The following CA10 variants were observed in gnomAD, a reference collection of about 807,000 sequenced individuals.
The protein encoded by CA10 is carbonic anhydrase-related protein 10.
In CA10, 14 loss-of-function variants were observed where a neutral mutation model predicts 44.2. The ratio of observed to expected loss-of-function variants is 0.32; its 90% CI spans 0.21 to 0.50. The LOEUF is 0.50. Among genes scored for constraint, CA10 ranks in the 20% least tolerant of loss-of-function variants. The probability of loss-of-function intolerance (pLI) is 0.99; values close to 1 mark genes in which losing one functional copy is unlikely to be tolerated. For missense variants in CA10, 350 were observed against 409.7 expected (o/e 0.85, Z 1.26); for synonymous variants, 159 against 141.6 (o/e 1.12, Z -0.87).
At chr17:51,964,403 T>C (rs1259333684) in intron 2 of CA10, among the ~76,000 whole-genome samples, 1 of 152,010 alleles carries the variant, frequency 6.6e-6, no homozygotes, top group Non-Finnish European at 1.5e-5. Flanking sequence ...TTTGACCAGT[T>C]GGACCTAATG....
intron 3 of CA10, among the ~76,000 whole-genome samples, chr17:51,822,020 G>C (rs983816287): frequency 1.3e-5 from 2 of 152,166 alleles, no homozygotes; most frequent in African/African-American, 4.8e-5. Flanking sequence ...TCACCTGAGA[G>C]TTTTTACAGA....
intron 2 of CA10, among the ~76,000 whole-genome samples, chr17:52,051,509 A>T (rs931348739): frequency 6.6e-6 from 1 of 152,110 alleles, no homozygotes; most frequent in African/African-American, 2.4e-5. Flanking sequence ...GACAGAAGAC[A>T]TATATGCAGC....
chr17:51,795,677 G>C (rs1367857199), intron 3 of CA10, among the ~76,000 whole-genome samples: 1 of 152,184 alleles, frequency 6.6e-6, no homozygotes, highest in African/African-American at 2.4e-5. Context: ...AAGGACCCAA[G>C]TGCCTTTACT....
chr17:51,696,721 G>A (rs889513585), intron 4 of CA10, among the ~76,000 whole-genome samples: 12 of 152,042 alleles, frequency 7.9e-5, no homozygotes, highest in African/African-American at 2.2e-4. Flanking sequence ...CTGGTGTTTA[G>A]CACTATAAAC....
chr17:52,070,399 C>G (rs1242628661), intron 2 of CA10: 1 of 152,156 alleles, frequency 6.6e-6, no homozygotes, highest in African/African-American at 2.4e-5. Flanking sequence ...CATGAACATA[C>G]ACACATTACC....
At chr17:51,710,495 C>T (rs1443342785) in intron 4 of CA10, among the ~76,000 whole-genome samples, 2 of 152,152 alleles carry the variant, frequency 1.3e-5, no homozygotes, top group Non-Finnish European at 2.9e-5. Context: ...GACTTCTCAC[C>T]ACCAGCAGAA....
chr17:52,038,717 C>G (rs977894130), intron 2 of CA10, among the ~76,000 whole-genome samples: 1 of 152,126 alleles, frequency 6.6e-6, no homozygotes, highest in African/African-American at 2.4e-5. Context: ...AAAACTGGAA[C>G]AACTCTCTGT....
intron 3 of CA10, among the ~76,000 whole-genome samples, chr17:51,855,203 A>G (rs13353192): frequency 0.063 from 9,584 of 152,252 alleles, 647 homozygotes; most frequent in African/African-American, 0.17. Flanking sequence ...TTGAAGAGTT[A>G]TGAGGAAGAG....
intron 1 of CA10, among the ~76,000 whole-genome samples, chr17:52,089,759 C>T (rs756228590): frequency 2.0e-5 from 3 of 151,854 alleles, no homozygotes; most frequent in Non-Finnish European, 4.4e-5. Context: ...TTTTAAAACT[C>T]TCAAAACTAT....
chr17:52,010,110 G>T (rs996889307), intron 2 of CA10, among the ~76,000 whole-genome samples: 4 of 151,904 alleles, frequency 2.6e-5, no homozygotes, highest in Admixed American at 6.6e-5. Context: ...ATAGATGTTG[G>T]CATGGATGCT....
chr17:51,765,711 G>GTGTGTA (rs1905351873), intron 3 of CA10, among the ~76,000 whole-genome samples: 1 of 145,940 alleles, frequency 6.9e-6, no homozygotes, highest in Non-Finnish European at 1.5e-5. Flanking sequence ...GTGTGTGTGT[G>GTGTGTA]TGTGTGTGTG....
At chr17:51,692,692 G>A (rs559955882) in intron 4 of CA10, among the ~76,000 whole-genome samples, 1 of 152,172 alleles carries the variant, frequency 6.6e-6, no homozygotes, top group East Asian at 1.9e-4. Context: ...TTAATTATTG[G>A]CCTATTGAAG....
chr17:51,823,562 G>A (rs1476650700), intron 3 of CA10, among the ~76,000 whole-genome samples: 1 of 152,222 alleles, frequency 6.6e-6, no homozygotes, highest in Non-Finnish European at 1.5e-5. Flanking sequence ...TCACTGTAGA[G>A]GGAGAACAGG....
Position 51,774,427 on chromosome 17 carries a change from C to A in CA10, c.280-26609G>T, listed in dbSNP as rs1459396736. ...GATTGGTGGGAGGGGTGAGTGGAAA[C>A]CTTGCTTCATTTAAGGTCTTTTTTT... On this transcript the variant is annotated intron_variant, in intron 3 of 8. Coordinates refer to ENST00000451037, the MANE Select transcript of CA10 (RefSeq NM_020178.5). Among the ~76,000 whole-genome samples the A allele has an allele frequency of 2.0e-5, 3 of 149,762 alleles. No homozygotes were observed. The East Asian group carries it at 6.0e-4, about 30-fold the overall frequency.
chr17:51,818,652 T>A (rs192355357), intron 3 of CA10, among the ~76,000 whole-genome samples: 107 of 152,308 alleles, frequency 7.0e-4, no homozygotes, highest in African/African-American at 2.4e-3. Flanking sequence ...AGTGCAGAAG[T>A]CACACCTAAT....
intron 2 of CA10, among the ~76,000 whole-genome samples, chr17:51,991,636 C>T (rs1333567157): frequency 1.3e-5 from 2 of 152,024 alleles, no homozygotes; most frequent in African/African-American, 2.4e-5. Flanking sequence ...ATGAAGAAAC[C>T]CTGTCTCTAC....
intron 4 of CA10, among the ~76,000 whole-genome samples, chr17:51,659,076 T>C (rs75154522): frequency 0.022 from 3,337 of 152,230 alleles, 46 homozygotes; most frequent in Non-Finnish European, 0.031. Flanking sequence ...AAAACATTAT[T>C]TCTGGGTGTG....
chr17:51,783,721 A>G (rs1416625264), intron 3 of CA10, among the ~76,000 whole-genome samples: 2 of 152,216 alleles, frequency 1.3e-5, no homozygotes, highest in East Asian at 3.8e-4. Context: ...TCCTTGGATA[A>G]ATGAGAATTT....
At chr17:51,909,413 G>A (rs1213566043) in intron 3 of CA10, among the ~76,000 whole-genome samples, 3 of 152,078 alleles carry the variant, frequency 2.0e-5, no homozygotes, top group Non-Finnish European at 4.4e-5. Flanking sequence ...CACAAGTCAG[G>A]TGAAATTCAG....
Sources: gnomAD v4.1 joint callset for allele counts (sites outside exome capture counted in the v4.1 genomes callset) on GRCh38, gnomAD v4.1.1 for gene constraint, MANE v1.5 for transcripts, NCBI Gene and HGNC (gene_info 2026-07-23, HGNC 2026-07-21) for gene names.